The following DUSP5 variants were observed in gnomAD, a reference collection of about 807,000 sequenced individuals.
DUSP5 encodes dual specificity protein phosphatase 5.
In DUSP5, 22 loss-of-function variants were observed where a neutral mutation model predicts 33.6. The ratio of observed to expected loss-of-function variants is 0.66; its 90% CI spans 0.47 to 0.94. DUSP5 has a LOEUF of 0.94. DUSP5 is among the 40% of genes least tolerant of loss of function. The pLI is 0.00. For missense variants in DUSP5, 551 were observed against 522.1 expected, an observed-to-expected ratio of 1.06 and a Z score of -0.54; for synonymous variants, 270 against 231.1, an observed-to-expected ratio of 1.17 and a Z score of -1.53.
intron 1 of DUSP5, among the ~76,000 whole-genome samples, chr10:110,501,782 G>C (rs1860051839): frequency 6.6e-6 from 1 of 152,188 alleles, no homozygotes; most frequent in East Asian, 1.9e-4. Context: ...CATTCTGAGG[G>C]TTCCAAGGCC....
rs188564423 is a variant in DUSP5, at chr10:110,503,967, C to T, written c.528+1098C>T. Among the ~76,000 whole-genome samples, 427 of 152,356 alleles carry T rather than the reference C, an allele frequency of 2.8e-3. 1 individual carries two copies. Among genetic ancestry groups the T allele is most frequent in the African/African-American group, 9.8e-3 (409 of 41,574 alleles). ...TAAACTTCAAAGTAAAGCCAGATGA[C>T]CTTTTCTTGAACGGGCTCCTTGGTC... On this transcript the variant is annotated intron_variant, in intron 2 of 3. Transcript: ENST00000369583.
rs1187840826 is a variant in DUSP5 at position 110,509,889 on chromosome 10, T to C, written c.749-131T>C. 4.9e-6 allele frequency: 6 copies of C among 1,226,888 alleles called. No individual in the cohort carries two copies. In the African/African-American group the frequency reaches 6.0e-5, roughly 12 times the overall value. The allele number at this position is 1,226,888 out of a possible 1,614,324, so 76.0% of individuals were successfully genotyped here. On this transcript the variant is annotated intron_variant, in intron 3 of 3. Coordinates refer to ENST00000369583, the MANE Select transcript of DUSP5 (RefSeq NM_004419.4). ...GGATTAAAGACTGGCAGAAGTGTAG[T>C]GTAGGGCCGTGGCTCTTAGGCAGGC... is the stretch of plus-strand genomic sequence containing the variant.
chr10:110,509,272 A>G (rs1860156621), intron 3 of DUSP5, among the ~76,000 whole-genome samples: 1 of 152,200 alleles, frequency 6.6e-6, no homozygotes, highest in African/African-American at 2.4e-5. Flanking sequence ...AAGAATGCTA[A>G]CTGATGGTGG....
At chr10:110,500,062 G>T (rs2134656293) in intron 1 of DUSP5, among the ~76,000 whole-genome samples, 1 of 152,276 alleles carries the variant, frequency 6.6e-6, no homozygotes, top group South Asian at 2.1e-4. Flanking sequence ...GATGAGAAGC[G>T]GGTCTTCTGC....
chr10:110,498,097 G>A lies in DUSP5; in HGVS notation c.-25G>A, dbSNP rs1447287341. 1.6e-6 allele frequency: 2 copies of A among 1,247,618 alleles called. No individual in the cohort carries two copies. The highest frequency in any genetic ancestry group is 2.0e-6 in the Non-Finnish European group (2 of 995,084). The allele number at this position is 1,247,618 out of a possible 1,614,324, so 77.3% of individuals were successfully genotyped here. Reference sequence around the variant, plus strand: ...GCACCCGCGGGGCGCGCGGCGCGGGGCCGCTGGCCGGCGGCGGCGGCGGCA... The same window carrying A: ...GCACCCGCGGGGCGCGCGGCGCGGGACCGCTGGCCGGCGGCGGCGGCGGCA... On this transcript the variant is annotated 5_prime_UTR_variant, in exon 1 of 4. Transcript: ENST00000369583.
intron 2 of DUSP5, among the ~76,000 whole-genome samples, chr10:110,504,232 G>A (rs1860092029): frequency 6.6e-6 from 1 of 152,204 alleles, no homozygotes; most frequent in South Asian, 2.1e-4. Context: ...GCCAAGTGAG[G>A]GGTGAGAAAG....
At position 110,507,168 on chromosome 10, in the gene DUSP5, T is replaced by C; in HGVS notation, c.748+14T>C. The C allele has an allele frequency of 6.2e-7, 1 of 1,608,426 alleles. No individual in the cohort carries two copies. The highest frequency in any genetic ancestry group is 8.5e-7 in the Non-Finnish European group (1 of 1,177,858). The stretch of plus-strand genomic sequence containing the variant: ...TAGACTTCATTGGTAGGTTTAGCCA[T>C]TCCCCTTCAGTTATTTTGGGAGCCC... On this transcript the variant is annotated intron_variant, in intron 3 of 3. Coordinates refer to ENST00000369583, the MANE Select transcript of DUSP5 (RefSeq NM_004419.4).
intron 2 of DUSP5, among the ~76,000 whole-genome samples, chr10:110,505,219 A>G (rs910941243): frequency 6.6e-6 from 1 of 152,214 alleles, no homozygotes; most frequent in African/African-American, 2.4e-5. Flanking sequence ...ATGCTACGCA[A>G]TCAGTTTTGG....
chr10:110,501,518 C>A (rs1273735175), intron 1 of DUSP5, among the ~76,000 whole-genome samples: 1 of 152,096 alleles, frequency 6.6e-6, no homozygotes, highest in Non-Finnish European at 1.5e-5. Flanking sequence ...ATCCATTAAC[C>A]ATTTGTCTAC....
In DUSP5 at chr10:110,502,718, T is replaced by C. The variant is rs199843382; in HGVS notation, c.380-3T>C. 6.2e-7 allele frequency: 1 copy of C among 1,612,746 alleles called. No homozygotes were observed. The highest frequency in any genetic ancestry group is 1.3e-5 in the African/African-American group (1 of 75,014). ...TGTCTCACCTTTTTGTTTGTTTTTG[T>C]AGGGGGATATGAGACTTTCTACTCG... On this transcript the variant is annotated splice_polypyrimidine_tract_variant and splice_region_variant and intron_variant, in intron 1 of 3. Transcript: ENST00000369583.
intron 2 of DUSP5, 143 bp from the exon 3 acceptor site, chr10:110,506,792 A>G: frequency 1.2e-6 from 1 of 849,580 alleles, no homozygotes; most frequent in Non-Finnish European, 1.9e-6. Context: ...ACTTGGTTGA[A>G]CTGCCCTGGC....
intron 1 of DUSP5, among the ~76,000 whole-genome samples, 167 bp downstream of exon 1, chr10:110,498,667 C>T (rs143273538): frequency 0.013 from 2,021 of 152,314 alleles, 39 homozygotes; most frequent in South Asian, 0.074. Context: ...TGTCAGCACT[C>T]AGAGCTCCCC....
At chr10:110,498,879 C>T (rs984840205) in intron 1 of DUSP5, among the ~76,000 whole-genome samples, 1 of 152,136 alleles carries the variant, frequency 6.6e-6, no homozygotes, top group Non-Finnish European at 1.5e-5. Flanking sequence ...ATAGACTGAT[C>T]TGGCGGGATC....
At chr10:110,505,401 A>G (rs981138758) in intron 2 of DUSP5, among the ~76,000 whole-genome samples, 14 of 152,378 alleles carry the variant, frequency 9.2e-5, no homozygotes, top group South Asian at 4.1e-4. Context: ...GAGGCCAGCC[A>G]TAGTAGATGC....
Position 110,497,932 on chromosome 10 carries a change from G to A in DUSP5, c.-190G>A, listed in dbSNP as rs1170688572. 6 of 287,332 alleles carry A rather than the reference G, an allele frequency of 2.1e-5. No individual in the cohort carries two copies. The highest frequency in any genetic ancestry group is 3.1e-5 in the Non-Finnish European group (6 of 192,204). 17.8% of individuals were successfully genotyped at this position (287,332 alleles called of 1,614,324 possible). A position where few individuals can be genotyped will look rare whatever the true frequency, so the allele number is the denominator to read the frequency against. On this transcript the variant is annotated 5_prime_UTR_variant, in exon 1 of 4. Transcript: ENST00000369583. ...GGCTTCTAGGGCGGCGAGCGGCCGG[G>A]CTGGCTATCGAGCGAGCGGGGCGGG... is the stretch of plus-strand genomic sequence containing the variant.
chr10:110,508,812 A>G (rs1860150999), intron 3 of DUSP5, among the ~76,000 whole-genome samples: 1 of 152,158 alleles, frequency 6.6e-6, no homozygotes, highest in African/African-American at 2.4e-5. Context: ...TTTGAGTCAG[A>G]CTGAATTGGA....
In DUSP5 at chr10:110,507,135, A is replaced by G. The variant is rs778457864; in HGVS notation, c.729A>G (p.Gln243=). ...SHTADISSHF[Q]EAIDFIDCVR... is the part of the protein sequence containing the mutation. ...CGGCTGACATTAGCTCCCACTTTCA[A>G]GAAGCAATAGACTTCATTGGTAGGT... Residue 243 remains glutamine, a synonymous_variant, in exon 3 of 4, where the codon CAA becomes CAG. Coordinates refer to ENST00000369583, the MANE Select transcript of DUSP5 (RefSeq NM_004419.4). The G allele has an allele frequency of 2.5e-6, 4 of 1,613,754 alleles. No homozygotes were observed. Among genetic ancestry groups the G allele is most frequent in the Non-Finnish European group, 3.4e-6 (4 of 1,180,038 alleles).
chr10:110,510,487 C>G lies in DUSP5; in HGVS notation c.*61C>G. 6.8e-7 allele frequency: 1 copy of G among 1,473,160 alleles called. No homozygotes were observed. The highest frequency in any genetic ancestry group is 1.4e-5 in the South Asian group (1 of 71,958). 91.3% of individuals were successfully genotyped at this position (1,473,160 alleles called of 1,614,324 possible). ...AACTGTGATTTTTGTTTTTAAGACT[C>G]ATGGACATTTCATACCTGTGCAATA... On this transcript the variant is annotated 3_prime_UTR_variant, in exon 4 of 4. Transcript: ENST00000369583.
chr10:110,507,198 G>C, intron 3 of DUSP5, 44 bp downstream of exon 3: 1 of 1,582,646 alleles, frequency 6.3e-7, no homozygotes, highest in Non-Finnish European at 8.6e-7. Flanking sequence ...GAGCCCCTTT[G>C]GGGCATGTGT....
Sources: gnomAD v4.1 joint callset for allele counts (sites outside exome capture counted in the v4.1 genomes callset) on GRCh38, gnomAD v4.1.1 for gene constraint, MANE v1.5 for transcripts, NCBI Gene and HGNC (gene_info 2026-07-23, HGNC 2026-07-21) for gene names.